JMJD1C: variants seen among roughly 807,000 people sequenced by gnomAD.
JMJD1C encodes jumonji domain-containing protein 1C.
A neutral mutation model predicts 245.3 loss-of-function variants in JMJD1C; 31 were observed. That is an observed-to-expected ratio of 0.13 (90% CI 0.09 to 0.17). The LOEUF is 0.17. JMJD1C is among the 10% of genes least tolerant of loss of function. The pLI is 1.00. For missense variants in JMJD1C, 2,691 were observed against 3,000.2 expected, an observed-to-expected ratio of 0.90 and a Z score of 2.41; for synonymous variants, 1,057 against 1,017.4, an observed-to-expected ratio of 1.04 and a Z score of -0.74.
In JMJD1C at chr10:63,172,842, G is replaced by GT. The variant is rs201720232; in HGVS notation, c.7401+3454dup. 2.5e-3 allele frequency among the ~76,000 whole-genome samples: 372 copies of GT among 149,366 alleles called. 3 individuals carry two copies. In the South Asian group the frequency reaches 0.035, roughly 14 times the overall value. On this transcript the variant is annotated intron_variant, in intron 24 of 25. Coordinates refer to ENST00000399262, the MANE Select transcript of JMJD1C (RefSeq NM_032776.3). ...CTGGGGGAGGGGGGAAACATACTTG[G>GT]TGTGTGTGAAAGAAGCAAAGAGGGC... is the stretch of plus-strand genomic sequence containing the variant.
At chr10:63,515,910 C>T (rs1012798893) in intron 1 of JMJD1C, among the ~76,000 whole-genome samples, 1 of 152,116 alleles carries the variant, frequency 6.6e-6, no homozygotes, top group Non-Finnish European at 1.5e-5. Flanking sequence ...GTCTTTTAAT[C>T]TTGTTTATAT....
intron 2 of JMJD1C, among the ~76,000 whole-genome samples, chr10:63,293,104 C>A (rs1858977598): frequency 1.3e-5 from 2 of 152,076 alleles, no homozygotes; most frequent in African/African-American, 4.8e-5. Context: ...CAAGTATTTT[C>A]CCCAGGAAGA....
chr10:63,241,030 T>C (rs377621422), intron 3 of JMJD1C, among the ~76,000 whole-genome samples: 83 of 152,324 alleles, frequency 5.4e-4, no homozygotes, highest in African/African-American at 1.9e-3. Flanking sequence ...TTATCATTCC[T>C]GGTGTTGCTG....
At chr10:63,300,557 G>A (rs1859963412) in intron 2 of JMJD1C, among the ~76,000 whole-genome samples, 1 of 152,124 alleles carries the variant, frequency 6.6e-6, no homozygotes, top group African/African-American at 2.4e-5. Context: ...CATGTGAACA[G>A]CAGAGAATTA....
chr10:63,512,557 T>G (rs933821372), intron 1 of JMJD1C, among the ~76,000 whole-genome samples: 1 of 152,188 alleles, frequency 6.6e-6, no homozygotes, highest in Non-Finnish European at 1.5e-5. Context: ...AAGTTGGATG[T>G]AATTTTTATC....
intron 16 of JMJD1C, among the ~76,000 whole-genome samples, 184 bp downstream of exon 16, chr10:63,192,754 A>G (rs1451093115): frequency 1.3e-5 from 2 of 152,134 alleles, no homozygotes; most frequent in African/African-American, 4.8e-5. Flanking sequence ...ACAAAAAAAC[A>G]ACAGGCTAGT....
At chr10:63,268,494 A>C (rs1855900533) in intron 2 of JMJD1C, among the ~76,000 whole-genome samples, 1 of 152,210 alleles carries the variant, frequency 6.6e-6, no homozygotes, top group South Asian at 2.1e-4. Flanking sequence ...AAATTACTAC[A>C]AACACAATAA....
chr10:63,512,546 G>T (rs532794260), intron 1 of JMJD1C, among the ~76,000 whole-genome samples: 1 of 152,116 alleles, frequency 6.6e-6, no homozygotes, highest in Non-Finnish European at 1.5e-5. Context: ...TGATTTCTGA[G>T]AAGTTGGATG....
chr10:63,381,034 T>C (rs951492283), intron 1 of JMJD1C, among the ~76,000 whole-genome samples: 3 of 152,154 alleles, frequency 2.0e-5, no homozygotes, highest in Admixed American at 1.3e-4. Flanking sequence ...TGTCAACATA[T>C]GAATGGGTAA....
chr10:63,313,791 T>C (rs1297916269), intron 2 of JMJD1C, among the ~76,000 whole-genome samples: 4 of 152,242 alleles, frequency 2.6e-5, no homozygotes, highest in Admixed American at 2.0e-4. Flanking sequence ...TTGATGGGAC[T>C]GTTGAACTTT....
At position 63,389,444 on chromosome 10, in the gene JMJD1C, CT is replaced by C. The variant is rs374747144; in HGVS notation, c.169-8963del. 2.9e-3 allele frequency among the ~76,000 whole-genome samples: 412 copies of C among 139,918 alleles called. 3 individuals are homozygous for C. The highest frequency in any genetic ancestry group is 0.01 in the African/African-American group (392 of 38,514). The allele number at this position is 139,918 out of a possible 152,430, so 91.8% of individuals were successfully genotyped here. On this transcript the variant is annotated intron_variant, in intron 1 of 25. Coordinates refer to ENST00000399262, the MANE Select transcript of JMJD1C (RefSeq NM_032776.3). ...GTCATCTAGACAGAATTTTGTTTTT[CT>C]TTTTTTTTTCCTTTTTTTTTTTTCC...
At chr10:63,281,139 T>A (rs1857337374) in intron 2 of JMJD1C, among the ~76,000 whole-genome samples, 1 of 149,470 alleles carries the variant, frequency 6.7e-6, no homozygotes, top group South Asian at 2.1e-4. Flanking sequence ...GCCTTTTTTT[T>A]TTTTTTTTTG....
rs367860214 is a variant in JMJD1C at position 63,390,656 on chromosome 10, A to G, written c.169-10174T>C. 1.6e-4 allele frequency among the ~76,000 whole-genome samples: 24 copies of G among 152,338 alleles called. 1 individual carries two copies. In the South Asian group the frequency reaches 4.8e-3, roughly 30 times the overall value. ...ACAAAAATTCTTATCAAAATAGAAA[A>G]CCAAATTCAACAGCACATCAAAAAC... On this transcript the variant is annotated intron_variant, in intron 1 of 25. Transcript: ENST00000399262.
rs1195841466 is a variant in JMJD1C at position 63,357,824 on chromosome 10, CA to C, written c.333+22493del. 2.5e-4 allele frequency among the ~76,000 whole-genome samples: 20 copies of C among 78,436 alleles called. No homozygotes were observed. In the East Asian group the frequency reaches 4.7e-3, roughly 19 times the overall value. 51.5% of individuals were successfully genotyped at this position (78,436 alleles called of 152,430 possible). A position where few individuals can be genotyped will look rare whatever the true frequency, so the allele number is the denominator to read the frequency against. On this transcript the variant is annotated intron_variant, in intron 2 of 25. Coordinates refer to ENST00000399262, the MANE Select transcript of JMJD1C (RefSeq NM_032776.3). ...TAAAATGTCAAAAGACACAGACAGA[CA>C]GACACACACACACACACACACACAC... is the stretch of plus-strand genomic sequence containing the variant.
At chr10:63,183,271 A>T (rs1005911886) in intron 22 of JMJD1C, among the ~76,000 whole-genome samples, 176 bp downstream of exon 22, 2 of 152,228 alleles carry the variant, frequency 1.3e-5, no homozygotes, top group Non-Finnish European at 2.9e-5. Flanking sequence ...CACTTACATA[A>T]AAAGAAATAG....
At chr10:63,213,365 C>T (rs901623376) in intron 8 of JMJD1C, 108 bp downstream of exon 8, 4 of 727,696 alleles carry the variant, frequency 5.5e-6, no homozygotes, top group Non-Finnish European at 8.9e-6. Context: ...AAAATTCTAA[C>T]ATATTTTATA....
In JMJD1C at chr10:63,216,689, G is replaced by A. The variant is rs533218017; in HGVS notation, c.678+518C>T. ...CATGCCACTGCACTCCAGCCTGGGC[G>A]ACAGAGCGAGACTCCAGCTCAAAAA... On this transcript the variant is annotated intron_variant, in intron 5 of 25. Transcript: ENST00000399262. Among the ~76,000 whole-genome samples the A allele has an allele frequency of 9.9e-5, 15 of 151,968 alleles. No homozygotes were observed. In the East Asian group the frequency reaches 2.3e-3, roughly 24 times the overall value.
rs1846667716 is a variant in JMJD1C at position 63,206,680 on chromosome 10, T to C, written c.4989A>G (p.Glu1663=). 1 of 1,613,642 alleles carries C rather than the reference T, an allele frequency of 6.2e-7. No homozygotes were observed. Among genetic ancestry groups the C allele is most frequent in the South Asian group, 1.1e-5 (1 of 91,012 alleles). ...CATTGGGTTTCAAATCTTCTTCTATTTCACCTTTTCTCTTTTGCAAATCAT... is the reference window on the plus strand; with the variant it reads ...CATTGGGTTTCAAATCTTCTTCTATCTCACCTTTTCTCTTTTGCAAATCAT... ...KQNDLQKRKG[E]IEEDLKPNGV... The change falls in exon 10 of 26, where the codon GAA becomes GAG. Residue 1663 remains glutamate (E), a synonymous_variant. Coordinates refer to ENST00000399262, the MANE Select transcript of JMJD1C (RefSeq NM_032776.3).
intron 1 of JMJD1C, among the ~76,000 whole-genome samples, chr10:63,389,440 TTTTC>T (rs1383790190): frequency 6.7e-6 from 1 of 149,900 alleles, no homozygotes; most frequent in East Asian, 1.9e-4. Flanking sequence ...AGAATTTTGT[TTTTC>T]TTTTTTTTTT....
Sources: allele counts gnomAD v4.1 joint callset (sites outside exome capture counted in the v4.1 genomes callset), GRCh38; gene constraint gnomAD v4.1.1; transcripts MANE v1.5; gene names NCBI Gene and HGNC (gene_info 2026-07-23, HGNC 2026-07-21).